ACOXL: variants seen among roughly 807,000 people sequenced by gnomAD.
The protein encoded by ACOXL is acyl-CoA oxidase like, also known as acyl-coenzyme A oxidase-like protein.
Under a neutral mutation model 71.9 loss-of-function variants are expected in ACOXL, and 70 were observed. The ratio of observed to expected loss-of-function variants is 0.97; its 90% CI spans 0.80 to 1.19. The LOEUF is 1.19. ACOXL is among the 50% of genes most tolerant of loss of function. ACOXL has a pLI of 0.00. For synonymous variants in ACOXL, 253 were observed against 281.6 expected (o/e 0.90, Z 1.02); for missense variants, 703 against 736.3 (o/e 0.95, Z 0.52).
intron 14 of ACOXL, among the ~76,000 whole-genome samples, chr2:111,014,741 A>G (rs528100083): frequency 3.9e-5 from 6 of 152,374 alleles, no homozygotes; most frequent in Admixed American, 6.5e-5. Context: ...TAATGCTTCA[A>G]TAATACAGAC....
intron 17 of ACOXL, among the ~76,000 whole-genome samples, chr2:111,106,281 T>TC (rs1383658540): frequency 6.6e-6 from 1 of 152,212 alleles, no homozygotes; most frequent in Non-Finnish European, 1.5e-5. Context: ...CCTTCCACTG[T>TC]CCCCTCCATT....
intron 10 of ACOXL, among the ~76,000 whole-genome samples, chr2:110,867,183 G>A (rs904652960): frequency 2.6e-5 from 4 of 152,166 alleles, no homozygotes; most frequent in Non-Finnish European, 5.9e-5. Context: ...GGGGGATGAG[G>A]GAGGCAAGGA....
In ACOXL at chr2:110,874,300, A is replaced by G. The variant is rs1695628670; in HGVS notation, c.788+32895A>G. 2.0e-5 allele frequency among the ~76,000 whole-genome samples: 3 copies of G among 152,242 alleles called. No individual in the cohort carries two copies. In the South Asian group the frequency reaches 6.2e-4, roughly 32 times the overall value. ...TTGGTTGGCATCAGCATGACAAGAA[A>G]TTGTTTAGTTCTGTGGTTTCAGGCT... On this transcript the variant is annotated intron_variant, in intron 10 of 17. Transcript: ENST00000439055.
At chr2:110,845,160 G>A (rs543595909) in intron 10 of ACOXL, among the ~76,000 whole-genome samples, 3 of 152,158 alleles carry the variant, frequency 2.0e-5, no homozygotes, top group East Asian at 3.8e-4. Flanking sequence ...AGATGAAGGC[G>A]CCAGCAGGTT....
At chr2:110,838,041 C>T (rs1690667139) in intron 9 of ACOXL, among the ~76,000 whole-genome samples, 1 of 152,220 alleles carries the variant, frequency 6.6e-6, no homozygotes, top group South Asian at 2.1e-4. Context: ...GTCTAAGGGG[C>T]TCCATGAGCC....
intron 7 of ACOXL, 26 bp downstream of exon 7, chr2:110,799,126 G>T (rs547769852): frequency 5.0e-6 from 8 of 1,602,920 alleles, no homozygotes; most frequent in Admixed American, 3.3e-5. Flanking sequence ...CCCTTTTCCT[G>T]TGCTCACTCT....
chr2:110,762,713 T>C (rs1186709995), intron 1 of ACOXL, among the ~76,000 whole-genome samples: 3 of 152,168 alleles, frequency 2.0e-5, no homozygotes, highest in Non-Finnish European at 2.9e-5. Context: ...TGGAGTGCAA[T>C]GGTGTGATCT....
chr2:110,846,436 C>G (rs1379932947), intron 10 of ACOXL, among the ~76,000 whole-genome samples: 1 of 152,158 alleles, frequency 6.6e-6, no homozygotes, highest in Non-Finnish European at 1.5e-5. Context: ...GCCTCTCAGG[C>G]TGCTGCAGAC....
At chr2:110,796,639 A>G (rs1685315495) in intron 5 of ACOXL, among the ~76,000 whole-genome samples, 1 of 152,138 alleles carries the variant, frequency 6.6e-6, no homozygotes, top group Non-Finnish European at 1.5e-5. Flanking sequence ...GAGTGTAAGC[A>G]TGCGCCCACC....
At chr2:111,093,574 A>G (rs779597363) in intron 17 of ACOXL, 21 of 1,606,344 alleles carry the variant, frequency 1.3e-5, no homozygotes, top group Middle Eastern at 1.7e-4. Flanking sequence ...CTTTAAAAAC[A>G]TAAATACTGG....
At chr2:110,754,070 A>ATTTTTT (rs558367497) in intron 1 of ACOXL, among the ~76,000 whole-genome samples, 1 of 119,886 alleles carries the variant, frequency 8.3e-6, no homozygotes, top group African/African-American at 3.2e-5. Flanking sequence ...AGTTCTGTGA[A>ATTTTTT]TTTTTTTTTT....
intron 16 of ACOXL, among the ~76,000 whole-genome samples, chr2:111,073,002 A>T (rs1469186642): frequency 6.6e-5 from 10 of 152,208 alleles, no homozygotes; most frequent in Admixed American, 2.0e-4. Context: ...GCATCTCCCC[A>T]GTAGCTGATG....
Position 111,117,818 on chromosome 2 carries a change from G to A in ACOXL, c.*2G>A. On this transcript the variant is annotated 3_prime_UTR_variant, in exon 18 of 18. Transcript: ENST00000439055. Reference sequence around the variant, plus strand: ...CCCAAGCTGGGAGCCAAGCTCTAACGGGTGTGGCGGGAAGTGTGGTGGCCC... The same window carrying A: ...CCCAAGCTGGGAGCCAAGCTCTAACAGGTGTGGCGGGAAGTGTGGTGGCCC... 2 of 1,545,934 alleles carry A rather than the reference G, an allele frequency of 1.3e-6. No homozygotes were observed. The highest frequency in any genetic ancestry group is 1.4e-5 in the African/African-American group (1 of 73,112).
chr2:110,901,168 A>T (rs972736326), intron 10 of ACOXL, among the ~76,000 whole-genome samples: 2 of 152,286 alleles, frequency 1.3e-5, no homozygotes, highest in African/African-American at 4.8e-5. Flanking sequence ...CTTGTTGGGG[A>T]GGGTGTTTAT....
intron 12 of ACOXL, among the ~76,000 whole-genome samples, chr2:110,938,116 G>A (rs1219797265): frequency 6.6e-6 from 1 of 152,222 alleles, no homozygotes; most frequent in African/African-American, 2.4e-5. Context: ...GAACTGTGGA[G>A]GGTCCGCAAG....
intron 10 of ACOXL, among the ~76,000 whole-genome samples, chr2:110,850,380 A>G (rs1406158909): frequency 6.6e-6 from 1 of 152,252 alleles, no homozygotes; most frequent in East Asian, 1.9e-4. Flanking sequence ...AGTTGTATCC[A>G]GAGTATGTAG....
At chr2:111,102,351 C>T (rs1461043962) in intron 17 of ACOXL, among the ~76,000 whole-genome samples, 1 of 152,230 alleles carries the variant, frequency 6.6e-6, no homozygotes. Context: ...GGTCCACTCT[C>T]ATGCTATGCC....
intron 1 of ACOXL, among the ~76,000 whole-genome samples, chr2:110,760,935 C>G (rs779838851): frequency 6.6e-6 from 1 of 152,090 alleles, no homozygotes; most frequent in Non-Finnish European, 1.5e-5. Context: ...GAAAATAGAC[C>G]CTGCCTCTTA....
At chr2:110,802,913 G>C (rs1276460384) in intron 8 of ACOXL, among the ~76,000 whole-genome samples, 1 of 152,118 alleles carries the variant, frequency 6.6e-6, no homozygotes, top group Admixed American at 6.5e-5. Context: ...AAATGCTTCA[G>C]ATGATGAATA....
Sources: gnomAD v4.1 joint callset for allele counts (sites outside exome capture counted in the v4.1 genomes callset) on GRCh38, gnomAD v4.1.1 for gene constraint, MANE v1.5 for transcripts, NCBI Gene and HGNC (gene_info 2026-07-23, HGNC 2026-07-21) for gene names.